Variants in ADAMTS2 observed in about 807,000 individuals in gnomAD.
ADAMTS2 encodes A disintegrin and metalloproteinase with thrombospondin motifs 2.
Under a neutral mutation model 123.0 loss-of-function variants are expected in ADAMTS2, and 50 were observed. The observed-to-expected ratio is 0.41, with a 90% CI of 0.32 to 0.51. The LOEUF is 0.51. Among genes scored for constraint, ADAMTS2 ranks in the 20% least tolerant of loss-of-function variants. The pLI is 0.35. For missense variants in ADAMTS2, 1,494 were observed against 1,705.2 expected, an observed-to-expected ratio of 0.88 and a Z score of 2.18; for synonymous variants, 678 against 695.4, an observed-to-expected ratio of 0.98 and a Z score of 0.39.
Position 179,262,536 on chromosome 5 carries a change from C to T in ADAMTS2, c.688+10375G>A, listed in dbSNP as rs544659845. ...CTGCACGCCTCCCACTCCCCCATTA[C>T]GTCCTCAGTTCCAGGTACTAGCTCT... On this transcript the variant is annotated intron_variant, in intron 3 of 21. Transcript: ENST00000251582. The surrounding 1 kb of genome is among the most constrained non-coding windows in gnomAD (Gnocchi z 5.9). 6.0e-4 allele frequency among the ~76,000 whole-genome samples: 91 copies of T among 152,274 alleles called. No individual in the cohort carries two copies. Among genetic ancestry groups the T allele is most frequent in the African/African-American group, 2.1e-3 (86 of 41,544 alleles).
chr5:179,295,399 T>C (rs999567150), intron 2 of ADAMTS2, among the ~76,000 whole-genome samples: 1 of 152,188 alleles, frequency 6.6e-6, no homozygotes, highest in Admixed American at 6.5e-5. Flanking sequence ...TCTCCCGCTG[T>C]GGTGGCCCCC....
At chr5:179,277,817 C>A (rs185719006) in intron 2 of ADAMTS2, among the ~76,000 whole-genome samples, 34 of 21,260 alleles carry the variant, frequency 1.6e-3, no homozygotes, top group African/African-American at 4.2e-3. Flanking sequence ...GCTGACCCCC[C>A]CCGAGACCAA....
At chr5:179,341,705 ACTCC>A (rs1757778703) in intron 2 of ADAMTS2, among the ~76,000 whole-genome samples, 1 of 127,872 alleles carries the variant, frequency 7.8e-6, no homozygotes, top group Non-Finnish European at 1.6e-5. Context: ...ATAGAGTGAG[ACTCC>A]GTCTCAAAAA....
In ADAMTS2 at chr5:179,162,521, G is replaced by T. The variant is rs577971223; in HGVS notation, c.976-3642C>A. Among the ~76,000 whole-genome samples the T allele has an allele frequency of 6.6e-6, 1 of 152,270 alleles. No homozygotes were observed. Among genetic ancestry groups the T allele is most frequent in the East Asian group, 1.9e-4 (1 of 5,156 alleles). ...CTCCCAGGCTCATTCAGGTGGTCAC[G>T]GCGGGCCCCAGCTGAGCTGTTGCAC... On this transcript the variant is annotated intron_variant, in intron 5 of 21. Transcript: ENST00000251582. This position sits in a 1 kb window ranked among gnomAD's most constrained non-coding sequence, Gnocchi z 5.1.
chr5:179,155,155 C>G lies in ADAMTS2; in HGVS notation c.1133-236G>C, dbSNP rs1319499815. 6.6e-6 allele frequency among the ~76,000 whole-genome samples: 1 copy of G among 152,236 alleles called. No homozygotes were observed. Among genetic ancestry groups the G allele is most frequent in the Non-Finnish European group, 1.5e-5 (1 of 68,036 alleles). On this transcript the variant is annotated intron_variant, in intron 6 of 21. Coordinates refer to ENST00000251582, the MANE Select transcript of ADAMTS2 (RefSeq NM_014244.5). The surrounding 1 kb of genome is among the most constrained non-coding windows in gnomAD (Gnocchi z 5.1). ...CCACACAAGCCCCGTGGCCGTTCTG[C>G]CTGTAACAGCCACACTGCAGCTGGG...
At chr5:179,235,184 A>C (rs945380588) in intron 3 of ADAMTS2, among the ~76,000 whole-genome samples, 2 of 152,222 alleles carry the variant, frequency 1.3e-5, no homozygotes, top group Non-Finnish European at 2.9e-5. Context: ...ATCATGCAGA[A>C]GTATAAGCTC....
chr5:179,208,733 C>T lies in ADAMTS2; in HGVS notation c.689-1018G>A, dbSNP rs554879676. ...GCCCCAGACCACACTGCCCACCGCC[C>T]CCCAAGCCCCAGTGTCCTGGAAGCC... On this transcript the variant is annotated intron_variant, in intron 3 of 21. Transcript: ENST00000251582. 7.6e-4 allele frequency among the ~76,000 whole-genome samples: 116 copies of T among 152,284 alleles called. 1 individual carries two copies. Among genetic ancestry groups the T allele is most frequent in the Non-Finnish European group, 1.5e-3 (99 of 68,010 alleles).
At chr5:179,278,190 C>CT (rs1337035065) in intron 2 of ADAMTS2, among the ~76,000 whole-genome samples, 1 of 143,126 alleles carries the variant, frequency 7.0e-6, no homozygotes, top group Non-Finnish European at 1.5e-5. Context: ...AGGCTGACCC[C>CT]CCCAAGACCA....
chr5:179,235,971 C>G (rs1315795955), intron 3 of ADAMTS2, among the ~76,000 whole-genome samples: 2 of 152,244 alleles, frequency 1.3e-5, no homozygotes, highest in African/African-American at 4.8e-5. Context: ...CCCAGGTGCC[C>G]TCCTGGTCTA....
chr5:179,163,362 C>G (rs762655407), intron 5 of ADAMTS2, among the ~76,000 whole-genome samples: 4 of 152,190 alleles, frequency 2.6e-5, no homozygotes, highest in African/African-American at 9.7e-5. Flanking sequence ...GTGGCAAACC[C>G]AGGTGCCCAG....
At chr5:179,193,129 A>G (rs1337053236) in intron 4 of ADAMTS2, among the ~76,000 whole-genome samples, 1 of 152,268 alleles carries the variant, frequency 6.6e-6, no homozygotes, top group Middle Eastern at 3.4e-3. Context: ...CTCCACTACC[A>G]GGTGGAGACA....
rs1764215486 is a variant in ADAMTS2, at chr5:179,188,024, A to G, written c.892-6869T>C. 6.6e-6 allele frequency among the ~76,000 whole-genome samples: 1 copy of G among 151,938 alleles called. No homozygotes were observed. The highest frequency in any genetic ancestry group is 1.9e-4 in the East Asian group (1 of 5,142). ...GGCAGAGGTGACTTTGTCCTCTGCC[A>G]AGGTGGGGGAGGGGTGCAGAAAGGG... is the stretch of plus-strand genomic sequence containing the variant. On this transcript the variant is annotated intron_variant, in intron 4 of 21. Coordinates refer to ENST00000251582, the MANE Select transcript of ADAMTS2 (RefSeq NM_014244.5). This position sits in a 1 kb window ranked among gnomAD's most constrained non-coding sequence, Gnocchi z 5.1.
intron 17 of ADAMTS2, 140 bp from the exon 18 acceptor site, chr5:179,126,270 G>T: frequency 7.9e-7 from 1 of 1,269,562 alleles, no homozygotes; most frequent in Non-Finnish European, 1.1e-6. Flanking sequence ...GCAGGGCACC[G>T]AGCCTGCGGC....
At chr5:179,178,005 A>G (rs893518241) in intron 5 of ADAMTS2, among the ~76,000 whole-genome samples, 3 of 152,186 alleles carry the variant, frequency 2.0e-5, no homozygotes, top group African/African-American at 7.2e-5. Context: ...GCAAGCCGCC[A>G]CCTGGCACCC....
chr5:179,229,799 TA>T lies in ADAMTS2; in HGVS notation c.689-22085del, dbSNP rs1765367840. 3.9e-5 allele frequency among the ~76,000 whole-genome samples: 6 copies of T among 152,194 alleles called. No homozygotes were observed. The South Asian group carries it at 1.0e-3, about 26-fold the overall frequency. On this transcript the variant is annotated intron_variant, in intron 3 of 21. Coordinates refer to ENST00000251582, the MANE Select transcript of ADAMTS2 (RefSeq NM_014244.5). ...TCCAGCGCACATCATCCCTCCTAAG[TA>T]CCTTATGGGAAATCGTAATTAGGCG...
chr5:179,154,422 G>T (rs1763428688), intron 7 of ADAMTS2, among the ~76,000 whole-genome samples: 1 of 152,182 alleles, frequency 6.6e-6, no homozygotes, highest in Admixed American at 6.5e-5. Flanking sequence ...CCCAGGAGGG[G>T]CATGCACACC....
intron 10 of ADAMTS2, among the ~76,000 whole-genome samples, chr5:179,145,929 C>T (rs1267940729): frequency 6.6e-6 from 1 of 152,168 alleles, no homozygotes; most frequent in Non-Finnish European, 1.5e-5. Flanking sequence ...CTCGGCTCAC[C>T]GCAACCTCTG....
intron 2 of ADAMTS2, among the ~76,000 whole-genome samples, chr5:179,294,455 A>G (rs1756275050): frequency 6.6e-6 from 1 of 152,214 alleles, no homozygotes. Flanking sequence ...GCTGCCCAGC[A>G]GACCCACCCT....
chr5:179,217,591 G>A (rs465621), intron 3 of ADAMTS2, among the ~76,000 whole-genome samples: 3 of 152,068 alleles, frequency 2.0e-5, no homozygotes, highest in Non-Finnish European at 2.9e-5. Flanking sequence ...AAAATGTAGC[G>A]AGGCACCTTT....
Sources: gnomAD v4.1 joint callset for allele counts (sites outside exome capture counted in the v4.1 genomes callset) on GRCh38, gnomAD v4.1.1 for gene constraint, Gnocchi (gnomAD v3.1) non-coding constraint, MANE v1.5 for transcripts, NCBI Gene and HGNC (gene_info 2026-07-23, HGNC 2026-07-21) for gene names.